The following ADGRA1 variants were observed in gnomAD, a reference collection of about 807,000 sequenced individuals.
ADGRA1 encodes the protein G-protein coupled receptor 123.
Under a neutral mutation model 21.3 loss-of-function variants are expected in ADGRA1, and 12 were observed. That is an observed-to-expected ratio of 0.56 (90% CI 0.36 to 0.91). The LOEUF (loss-of-function observed/expected upper bound fraction) is 0.91, where lower values mean the gene tolerates loss of function less well. ADGRA1 is among the 40% of genes least tolerant of loss of function. The pLI, the probability that ADGRA1 is intolerant of heterozygous loss-of-function variation, is 0.01. For synonymous variants in ADGRA1, 385 were observed against 368.8 expected, an observed-to-expected ratio of 1.04 and a Z score of -0.50; for missense variants, 790 against 805.6, an observed-to-expected ratio of 0.98 and a Z score of 0.23.
chr10:133,123,036 G>C (rs1852304008), intron 5 of ADGRA1, among the ~76,000 whole-genome samples: 2 of 152,354 alleles, frequency 1.3e-5, no homozygotes, highest in African/African-American at 4.8e-5. Flanking sequence ...CTTCTGGCGA[G>C]ACCACGGGGC....
In ADGRA1 at chr10:133,129,333, G is replaced by A. The variant is rs1157235112; in HGVS notation, c.1505G>A (p.Arg502Lys). ...TACAGCTGCCCCACGCAGCCGGGCA[G>A]GGAGGCAGCGCTCGGGCCCGGCCAC... is the stretch of plus-strand genomic sequence containing the variant. ...ALYSCPTQPG[R>K]EAALGPGHLE... is the part of the protein sequence containing the mutation. The change falls in exon 7 of 7, where the codon AGG (arginine) becomes AAG (lysine). Residue 502 changes from arginine (R) to lysine (K), a missense_variant. By Grantham distance (26) the Arg-to-Lys change is conservative (BLOSUM62 2). This residue lies in a region of ADGRA1 where 391 missense variants were observed against 351.5 expected (regional missense o/e 1.11). Coordinates refer to ENST00000392607, the MANE Select transcript of ADGRA1 (RefSeq NM_001083909.3). 1.9e-6 allele frequency: 3 copies of A among 1,572,108 alleles called. No individual in the cohort carries two copies. The highest frequency in any genetic ancestry group is 2.4e-5 in the East Asian group (1 of 42,260).
chr10:133,116,059 G>A (rs1008249985), intron 5 of ADGRA1, among the ~76,000 whole-genome samples: 11 of 127,756 alleles, frequency 8.6e-5, no homozygotes, highest in South Asian at 5.2e-4. Context: ...ACCTTCCATC[G>A]GCTTCAGGCC....
At chr10:133,111,917 ACCACCTGCCCGCCGTGAG>A (rs2135891043) in intron 5 of ADGRA1, among the ~76,000 whole-genome samples, 2 of 63,424 alleles carry the variant, frequency 3.2e-5, no homozygotes, top group African/African-American at 1.3e-4. Flanking sequence ...ATGCCTCCAG[ACCACCTGCCCGCCGTGAG>A]CACCTCCCTC....
Position 133,121,461 on chromosome 10 carries a change from T to C in ADGRA1, c.402-5772T>C, listed in dbSNP as rs1234770473. Among the ~76,000 whole-genome samples the C allele has an allele frequency of 7.1e-5, 10 of 141,608 alleles. No homozygotes were observed. The East Asian group carries it at 2.0e-3, about 28-fold the overall frequency. The allele number at this position is 141,608 out of a possible 152,430, so 92.9% of individuals were successfully genotyped here. On this transcript the variant is annotated intron_variant, in intron 5 of 6. Transcript: ENST00000392607. Reference sequence around the variant, plus strand: ...CGTGTGTGCGTGTGCGTGGAGTGTGTCAGTGTGCGTGTGTGCATGTGTGGT... The same window carrying C: ...CGTGTGTGCGTGTGCGTGGAGTGTGCCAGTGTGCGTGTGTGCATGTGTGGT...
At chr10:133,121,767 AGT>A (rs1368238178) in intron 5 of ADGRA1, among the ~76,000 whole-genome samples, 6 of 125,426 alleles carry the variant, frequency 4.8e-5, no homozygotes, top group South Asian at 5.2e-4. Flanking sequence ...CGTGTGTGCA[AGT>A]GTGAGTGTGC....
rs58921547 is a variant in ADGRA1 at position 133,101,546 on chromosome 10, C to G, written c.256-1151C>G. 3.9e-3 allele frequency among the ~76,000 whole-genome samples: 594 copies of G among 152,340 alleles called. 4 individuals carry two copies. The highest frequency in any genetic ancestry group is 0.014 in the African/African-American group (576 of 41,588). On this transcript the variant is annotated intron_variant, in intron 4 of 6. Transcript: ENST00000392607. The stretch of plus-strand genomic sequence containing the variant: ...TCTTGTGACCCCCAAATGCACATGG[C>G]ACGGGTGAGGCTCAGCTCTGCCACC...
At chr10:133,115,439 A>G (rs10776694) in intron 5 of ADGRA1, among the ~76,000 whole-genome samples, 36,965 of 152,160 alleles carry the variant, frequency 0.24, 5,218 homozygotes, top group East Asian at 0.58. Context: ...GCCAAAGAAC[A>G]GTCCTCACGA....
At chr10:133,111,179 G>GA (rs1564848904) in intron 5 of ADGRA1, among the ~76,000 whole-genome samples, 28 of 26,064 alleles carry the variant, frequency 1.1e-3, no homozygotes, top group African/African-American at 3.9e-3. Context: ...CCCGCCGTGA[G>GA]CACCTCCCTC....
Position 133,120,129 on chromosome 10 carries a change from C to T in ADGRA1, c.402-7104C>T, listed in dbSNP as rs141076243. Among the ~76,000 whole-genome samples, 836 of 152,300 alleles carry T rather than the reference C, an allele frequency of 5.5e-3. 9 individuals are homozygous for T. The highest frequency in any genetic ancestry group is 0.019 in the African/African-American group (774 of 41,562). On this transcript the variant is annotated intron_variant, in intron 5 of 6. Coordinates refer to ENST00000392607, the MANE Select transcript of ADGRA1 (RefSeq NM_001083909.3). ...TTGCAAATCTCTTATTTAGGCCAAG[C>T]GCGGTGGCTCATGCCTGTAATCCCA...
At chr10:133,117,372 C>T (rs1240661293) in intron 5 of ADGRA1, among the ~76,000 whole-genome samples, 1 of 152,208 alleles carries the variant, frequency 6.6e-6, no homozygotes, top group Non-Finnish European at 1.5e-5. Context: ...CAGCAAACAC[C>T]CACGGAACAG....
At chr10:133,099,978 C>T (rs1035300541) in intron 4 of ADGRA1, among the ~76,000 whole-genome samples, 2 of 152,260 alleles carry the variant, frequency 1.3e-5, no homozygotes, top group Non-Finnish European at 2.9e-5. Context: ...CAGACTCCCC[C>T]ACAGGCTCCC....
At chr10:133,121,917 C>T (rs1852274447) in intron 5 of ADGRA1, among the ~76,000 whole-genome samples, 1 of 141,596 alleles carries the variant, frequency 7.1e-6, no homozygotes, top group African/African-American at 2.7e-5. Flanking sequence ...AGTGCCTGTG[C>T]ATGTCCAGTG....
At chr10:133,115,055 G>A (rs575625212) in intron 5 of ADGRA1, among the ~76,000 whole-genome samples, 140 of 152,344 alleles carry the variant, frequency 9.2e-4, no homozygotes, top group Non-Finnish European at 1.7e-3. Flanking sequence ...TCCTGGGGAC[G>A]TGCTTCCAGT....
intron 5 of ADGRA1, among the ~76,000 whole-genome samples, chr10:133,121,414 ATG>A (rs992568805): frequency 4.8e-5 from 7 of 144,350 alleles, no homozygotes; most frequent in African/African-American, 1.6e-4. Flanking sequence ...GCGTGTGTGC[ATG>A]TGTGTGGTGT....
At chr10:133,089,423 T>C (rs192599799) in intron 2 of ADGRA1, among the ~76,000 whole-genome samples, 1 of 151,942 alleles carries the variant, frequency 6.6e-6, no homozygotes, top group East Asian at 1.9e-4. Flanking sequence ...ACGGGAAGGG[T>C]GTTTCAGCGG....
Position 133,098,749 on chromosome 10 carries a change from A to G in ADGRA1, c.241A>G (p.Ile81Val). 1 of 1,611,340 alleles carries G rather than the reference A, an allele frequency of 6.2e-7. No individual in the cohort carries two copies. Among genetic ancestry groups the G allele is most frequent in the Admixed American group, 1.7e-5 (1 of 59,996 alleles). ...AGGINRTKYP[I>V]LCQAVGIVLH... ...CGGCATCAATCGCACCAAGTACCCC[A>G]TCCTGTGCCAGGCGGTGAGTGCCGG... The change falls in exon 4 of 7, where the codon ATC (isoleucine) becomes GTC (valine). Residue 81 changes from isoleucine to valine, a missense_variant. Physicochemically the swap from Ile to Val is conservative, Grantham distance 29. This residue lies in a region of ADGRA1 where 382 missense variants were observed against 415.6 expected (regional missense o/e 0.92). Coordinates refer to ENST00000392607, the MANE Select transcript of ADGRA1 (RefSeq NM_001083909.3).
intron 3 of ADGRA1, among the ~76,000 whole-genome samples, chr10:133,097,732 G>A (rs942737262): frequency 7.9e-5 from 12 of 152,168 alleles, no homozygotes; most frequent in African/African-American, 2.7e-4. Context: ...ATGGTTTATC[G>A]ACAGGAGAAA....
chr10:133,105,711 C>T (rs1366186741), intron 5 of ADGRA1, among the ~76,000 whole-genome samples: 1 of 152,216 alleles, frequency 6.6e-6, no homozygotes. Flanking sequence ...GGGGCGGACA[C>T]CCCCCAAGAC....
chr10:133,099,411 C>T (rs1851751901), intron 4 of ADGRA1, among the ~76,000 whole-genome samples: 1 of 152,172 alleles, frequency 6.6e-6, no homozygotes, highest in Non-Finnish European at 1.5e-5. Context: ...TTGCACAGAC[C>T]CCCCAACCCC....
Sources: allele counts gnomAD v4.1 joint callset (sites outside exome capture counted in the v4.1 genomes callset), GRCh38; gene constraint gnomAD v4.1.1; regional missense constraint gnomAD v4.1.1; transcripts MANE v1.5; gene names NCBI Gene and HGNC (gene_info 2026-07-23, HGNC 2026-07-21).